CCR5AS: variants seen among roughly 807,000 people sequenced by gnomAD.
The protein encoded by CCR5AS is CCR5 antisense RNA.
At chr3:46,382,955 G>A (rs1318818944) in intron 2 of CCR5AS, among the ~76,000 whole-genome samples, 1 of 152,184 alleles carries the variant, frequency 6.6e-6, no homozygotes, top group Non-Finnish European at 1.5e-5. Context: ...ATGAGAAATT[G>A]CATGTTGAGG....
At chr3:46,375,460 A>C (rs553155294) in intron 2 of CCR5AS, 9 of 167,054 alleles carry the variant, frequency 5.4e-5, no homozygotes, top group African/African-American at 2.2e-4. Context: ...AGCATTGAGC[A>C]AAGGGGTCCC....
chr3:46,373,292 C>A, intron 2 of CCR5AS: 1 of 1,614,136 alleles, frequency 6.2e-7, no homozygotes, highest in Non-Finnish European at 8.5e-7. Flanking sequence ...ACCTGGCTGT[C>A]GTCCATGCTG....
chr3:46,383,065 C>T lies in CCR5AS; in HGVS notation n.391+9760G>A, dbSNP rs551850245. Among the ~76,000 whole-genome samples the T allele has an allele frequency of 2.6e-5, 4 of 152,250 alleles. No individual in the cohort carries two copies. In the South Asian group the frequency reaches 8.3e-4, roughly 32 times the overall value. The stretch of plus-strand genomic sequence containing the variant: ...TTCTTCTTCAGATTAGGATGTGCTC[C>T]CCCAAACAGTGCACTTAGACATAGC... On this transcript the variant is annotated intron_variant and non_coding_transcript_variant, in intron 2 of 3. Transcript: ENST00000451485.
At chr3:46,366,513 C>T (rs1187211985) in intron 3 of CCR5AS, among the ~76,000 whole-genome samples, 2 of 152,198 alleles carry the variant, frequency 1.3e-5, no homozygotes, top group African/African-American at 2.4e-5. Context: ...AAGGGGCTCC[C>T]ACCAGGTTTG....
intron 1 of CCR5AS, among the ~76,000 whole-genome samples, chr3:46,397,836 G>C (rs1305524601): frequency 6.6e-6 from 1 of 152,174 alleles, no homozygotes; most frequent in Non-Finnish European, 1.5e-5. Context: ...GATGAATAAA[G>C]GAACCACATT....
intron 2 of CCR5AS, among the ~76,000 whole-genome samples, chr3:46,383,057 A>T (rs935705134): frequency 3.3e-5 from 5 of 152,300 alleles, no homozygotes; most frequent in Non-Finnish European, 7.3e-5. Context: ...TCAGATTAGG[A>T]TGTGCTCCCC....
At chr3:46,391,338 C>G (rs1701911826) in intron 2 of CCR5AS, among the ~76,000 whole-genome samples, 2 of 152,194 alleles carry the variant, frequency 1.3e-5, no homozygotes, top group South Asian at 4.1e-4. Flanking sequence ...TATGTTGTCA[C>G]TTGGCTGCCT....
At position 46,406,742 on chromosome 3, in the gene CCR5AS, T is replaced by TGCTCACTGCC. The variant is rs577989301; in HGVS notation, n.163+145_163+154dup. Among the ~76,000 whole-genome samples, 396 of 152,276 alleles carry TGCTCACTGCC rather than the reference T, an allele frequency of 2.6e-3. 2 individuals are homozygous for TGCTCACTGCC. Among genetic ancestry groups the TGCTCACTGCC allele is most frequent in the African/African-American group, 9.0e-3 (373 of 41,538 alleles). On this transcript the variant is annotated intron_variant and non_coding_transcript_variant, in intron 1 of 3. Coordinates refer to ENST00000451485, the Ensembl canonical transcript of CCR5AS. The stretch of plus-strand genomic sequence containing the variant: ...AGTGTTGACACCCAGGGCAGCCCTA[T>TGCTCACTGCC]GCTCACTGCCGCTGAGACCCCACCT...
chr3:46,379,176 C>G (rs1044000479), intron 2 of CCR5AS, among the ~76,000 whole-genome samples: 3 of 121,336 alleles, frequency 2.5e-5, no homozygotes, highest in Non-Finnish European at 3.4e-5. Flanking sequence ...CCCCCCTCCC[C>G]CCACCCCACC....
exon 4 of CCR5AS, among the ~76,000 whole-genome samples, chr3:46,364,515 G>A (rs1405633428): frequency 6.6e-6 from 1 of 152,168 alleles, no homozygotes; most frequent in Non-Finnish European, 1.5e-5. Context: ...TGTTGGAGAT[G>A]TACGAGAATA....
At chr3:46,384,260 A>G (rs1381536176) in intron 2 of CCR5AS, among the ~76,000 whole-genome samples, 1 of 152,206 alleles carries the variant, frequency 6.6e-6, no homozygotes, top group Non-Finnish European at 1.5e-5. Flanking sequence ...GAAGCTGGCC[A>G]TCCCATCCTA....
intron 1 of CCR5AS, among the ~76,000 whole-genome samples, chr3:46,393,543 T>G (rs1389366248): frequency 1.4e-5 from 2 of 147,544 alleles, no homozygotes; most frequent in Non-Finnish European, 3.0e-5. Context: ...AGTAAAAAAT[T>G]ATAGGGAAAA....
chr3:46,364,458 A>T (rs2106732629), exon 4 of CCR5AS, among the ~76,000 whole-genome samples: 1 of 152,280 alleles, frequency 6.6e-6, no homozygotes, highest in South Asian at 2.1e-4. Flanking sequence ...AGAAAAAAAG[A>T]TTCCTTTCAA....
At chr3:46,391,193 T>A (rs1358082848) in intron 2 of CCR5AS, among the ~76,000 whole-genome samples, 1 of 152,172 alleles carries the variant, frequency 6.6e-6, no homozygotes, top group Non-Finnish European at 1.5e-5. Context: ...TTCCGGCACT[T>A]GAAGGAAGAT....
chr3:46,403,834 C>T (rs1267324872), intron 1 of CCR5AS, among the ~76,000 whole-genome samples: 1 of 152,174 alleles, frequency 6.6e-6, no homozygotes, highest in African/African-American at 2.4e-5. Flanking sequence ...GTCGTGGTGT[C>T]GGCAAAATTC....
chr3:46,391,714 C>T (rs973195679), intron 2 of CCR5AS, among the ~76,000 whole-genome samples: 1 of 152,036 alleles, frequency 6.6e-6, no homozygotes, highest in African/African-American at 2.4e-5. Flanking sequence ...AGTTGTGGAA[C>T]GAAACTGTAA....
chr3:46,406,806 C>A (rs1197725956), intron 1 of CCR5AS: 1 of 152,654 alleles, frequency 6.6e-6, no homozygotes, highest in African/African-American at 2.4e-5. Flanking sequence ...CACCCTGTGG[C>A]TTCCATTTTC....
chr3:46,367,805 CA>C (rs1186488525), intron 3 of CCR5AS, among the ~76,000 whole-genome samples: 2 of 152,206 alleles, frequency 1.3e-5, no homozygotes, highest in South Asian at 2.1e-4. Flanking sequence ...CTCCTGACCT[CA>C]AGTTATCCAC....
At chr3:46,393,807 G>A (rs1701936808) in intron 1 of CCR5AS, among the ~76,000 whole-genome samples, 1 of 152,228 alleles carries the variant, frequency 6.6e-6, no homozygotes, top group African/African-American at 2.4e-5. Flanking sequence ...CCTGCAGGTG[G>A]TGTGGCTCAG....
Sources: allele counts gnomAD v4.1 joint callset (sites outside exome capture counted in the v4.1 genomes callset), GRCh38; gene constraint gnomAD v4.1.1; transcripts MANE v1.5; gene names NCBI Gene and HGNC (gene_info 2026-07-23, HGNC 2026-07-21).